GALNTL6: variants seen among roughly 807,000 people sequenced by gnomAD.
GALNTL6 encodes the protein polypeptide N-acetylgalactosaminyltransferase like 6.
Under a neutral mutation model 73.7 loss-of-function variants are expected in GALNTL6, and 46 were observed. The ratio of observed to expected loss-of-function variants is 0.62; its 90% CI spans 0.49 to 0.80. GALNTL6 has a LOEUF of 0.80. GALNTL6 is among the 30% of genes least tolerant of loss of function. GALNTL6 has a pLI of 0.00. For synonymous variants in GALNTL6, 259 were observed against 263.7 expected (o/e 0.98, Z 0.17); for missense variants, 604 against 755.0 (o/e 0.80, Z 2.34).
chr4:172,241,157 C>T (rs377547997), intron 3 of GALNTL6, among the ~76,000 whole-genome samples: 68 of 152,272 alleles, frequency 4.5e-4, no homozygotes, highest in African/African-American at 1.6e-3. Flanking sequence ...GTAGATGGTG[C>T]TTAAGTGTAA....
At chr4:171,860,852 G>T (rs1735812381) in intron 2 of GALNTL6, among the ~76,000 whole-genome samples, 1 of 152,134 alleles carries the variant, frequency 6.6e-6, no homozygotes, top group African/African-American at 2.4e-5. Context: ...TTACAAGTGA[G>T]TGTCTTAGGT....
In GALNTL6 at chr4:172,642,153, A is replaced by G. The variant is rs537570184; in HGVS notation, c.554-167208A>G. On this transcript the variant is annotated intron_variant, in intron 5 of 12. Transcript: ENST00000506823. ...GAATGTAAATTAGTACAACCATTGT[A>G]GAAAACAGTATGAAGCTTCCTCAAA... 2.1e-4 allele frequency among the ~76,000 whole-genome samples: 32 copies of G among 152,178 alleles called. No individual in the cohort carries two copies. The South Asian group carries it at 5.2e-3, about 25-fold the overall frequency.
intron 7 of GALNTL6, among the ~76,000 whole-genome samples, chr4:172,818,802 T>C (rs1741754912): frequency 6.6e-6 from 1 of 152,202 alleles, no homozygotes; most frequent in African/African-American, 2.4e-5. Context: ...TTTTGCCATG[T>C]TGGTCAGGCT....
intron 8 of GALNTL6, among the ~76,000 whole-genome samples, chr4:172,885,973 T>A (rs1054581630): frequency 6.6e-6 from 1 of 152,202 alleles, no homozygotes; most frequent in African/African-American, 2.4e-5. Context: ...GGTTTTTACA[T>A]CTATGTTTAT....
intron 7 of GALNTL6, among the ~76,000 whole-genome samples, chr4:172,843,583 T>C (rs929923915): frequency 1.3e-5 from 2 of 152,300 alleles, no homozygotes; most frequent in African/African-American, 4.8e-5. Flanking sequence ...TTTTCCATGC[T>C]CTGGTGTTCT....
At chr4:172,069,860 C>T (rs1731500632) in intron 2 of GALNTL6, among the ~76,000 whole-genome samples, 1 of 106,752 alleles carries the variant, frequency 9.4e-6, no homozygotes, top group African/African-American at 3.6e-5. Flanking sequence ...ACCTGCTTTC[C>T]TAGTTGTTCG....
At position 172,542,749 on chromosome 4, in the gene GALNTL6, T is replaced by C. The variant is rs1463267382; in HGVS notation, c.553+194060T>C. ...GTCAGTTGTGGGACTTAGGATTTTG[T>C]TTTCAGTTACATTCCCAACCCAGAA... On this transcript the variant is annotated intron_variant, in intron 5 of 12. Coordinates refer to ENST00000506823, the MANE Select transcript of GALNTL6 (RefSeq NM_001034845.3). 2.0e-5 allele frequency among the ~76,000 whole-genome samples: 3 copies of C among 152,238 alleles called. No homozygotes were observed. In the East Asian group the frequency reaches 5.8e-4, roughly 29 times the overall value.
intron 5 of GALNTL6, among the ~76,000 whole-genome samples, chr4:172,602,655 T>C (rs1423410012): frequency 6.6e-6 from 1 of 152,182 alleles, no homozygotes; most frequent in Non-Finnish European, 1.5e-5. Flanking sequence ...ATTAAATTTT[T>C]CAGCCACTTG....
chr4:171,814,469 A>G lies in GALNTL6; in HGVS notation c.-112A>G. On this transcript the variant is annotated 5_prime_UTR_variant, in exon 2 of 13. Transcript: ENST00000506823. ...TGCTGAGCACGCAACAAAAGTTTGT[A>G]GCTTCTCAGTTTCTGGTGCTTCGCA... is the stretch of plus-strand genomic sequence containing the variant. 5 of 1,161,678 alleles carry G rather than the reference A, an allele frequency of 4.3e-6. No homozygotes were observed. The Admixed American group carries it at 9.2e-5, about 21-fold the overall frequency. The allele number at this position is 1,161,678 out of a possible 1,614,324, so 72.0% of individuals were successfully genotyped here.
chr4:172,444,709 C>T (rs796743484), intron 5 of GALNTL6, among the ~76,000 whole-genome samples: 1 of 152,038 alleles, frequency 6.6e-6, no homozygotes, highest in Admixed American at 6.6e-5. Flanking sequence ...ATATGATAAG[C>T]TATTCCATAG....
At chr4:172,230,320 C>T (rs1051162414) in intron 3 of GALNTL6, among the ~76,000 whole-genome samples, 1 of 152,030 alleles carries the variant, frequency 6.6e-6, no homozygotes, top group Non-Finnish European at 1.5e-5. Context: ...GACAAAGTAG[C>T]AAGAAAGAAT....
At chr4:172,584,986 G>A (rs868249478) in intron 5 of GALNTL6, among the ~76,000 whole-genome samples, 1 of 152,114 alleles carries the variant, frequency 6.6e-6, no homozygotes, top group South Asian at 2.1e-4. Flanking sequence ...TAAAAAGGAG[G>A]CAGTTATGCA....
chr4:172,365,347 G>A (rs1269646390), intron 5 of GALNTL6, among the ~76,000 whole-genome samples: 1 of 151,968 alleles, frequency 6.6e-6, no homozygotes, highest in African/African-American at 2.4e-5. Context: ...GAATTGGAGT[G>A]TTTCTGGTCG....
At chr4:172,794,549 G>T (rs1466366514) in intron 5 of GALNTL6, among the ~76,000 whole-genome samples, 1 of 152,150 alleles carries the variant, frequency 6.6e-6, no homozygotes, top group African/African-American at 2.4e-5. Context: ...GGAGAAGAGG[G>T]CCAAATTATA....
intron 2 of GALNTL6, among the ~76,000 whole-genome samples, chr4:171,861,670 T>C (rs1010296289): frequency 6.6e-6 from 1 of 152,300 alleles, no homozygotes; most frequent in Admixed American, 6.5e-5. Flanking sequence ...CTTACCTATA[T>C]TATTATTTAT....
chr4:172,733,885 A>T (rs1263989819), intron 5 of GALNTL6, among the ~76,000 whole-genome samples: 2 of 152,210 alleles, frequency 1.3e-5, no homozygotes, highest in African/African-American at 4.8e-5. Context: ...GATACCTGAA[A>T]ATGTGGAAGC....
intron 5 of GALNTL6, among the ~76,000 whole-genome samples, chr4:172,370,692 ATAAATGCTG>A (rs1164441886): frequency 2.0e-5 from 3 of 150,556 alleles, no homozygotes; most frequent in African/African-American, 7.3e-5. Flanking sequence ...GCCTTTTCCT[ATAAATGCTG>A]GGTGGCATCT....
chr4:172,036,348 A>C (rs1225137007), intron 2 of GALNTL6, among the ~76,000 whole-genome samples: 1 of 152,064 alleles, frequency 6.6e-6, no homozygotes, highest in Non-Finnish European at 1.5e-5. Flanking sequence ...TGTTAATCTT[A>C]AAAGTTTTAG....
chr4:172,004,801 C>T (rs1253239826), intron 2 of GALNTL6, among the ~76,000 whole-genome samples: 1 of 151,324 alleles, frequency 6.6e-6, no homozygotes, highest in African/African-American at 2.4e-5. Context: ...ACTTTGTCTC[C>T]TTTAGGAATC....
Sources: gnomAD v4.1 joint callset for allele counts (sites outside exome capture counted in the v4.1 genomes callset) on GRCh38, gnomAD v4.1.1 for gene constraint, MANE v1.5 for transcripts, NCBI Gene and HGNC (gene_info 2026-07-23, HGNC 2026-07-21) for gene names.